CTNND2: variants seen among roughly 807,000 people sequenced by gnomAD.
The protein encoded by CTNND2 is catenin delta-2.
Under a neutral mutation model 144.4 loss-of-function variants are expected in CTNND2, and 22 were observed. That is an observed-to-expected ratio of 0.15 (90% CI 0.11 to 0.22). The LOEUF is 0.22. Ranked by LOEUF, CTNND2 falls within the 10% of genes least tolerant of loss-of-function variation. The probability of loss-of-function intolerance (pLI) is 1.00; values close to 1 mark genes in which losing one functional copy is unlikely to be tolerated. For synonymous variants in CTNND2, 751 were observed against 695.6 expected (o/e 1.08, Z -1.25); for missense variants, 1,353 against 1,618.8 (o/e 0.84, Z 2.82).
chr5:11,662,303 A>G (rs1783311641), intron 2 of CTNND2, among the ~76,000 whole-genome samples: 1 of 149,506 alleles, frequency 6.7e-6, no homozygotes, highest in Non-Finnish European at 1.5e-5. Context: ...ACAGAGAGAG[A>G]GAGGGTTTAT....
At chr5:11,084,973 C>T (rs1458780720) in intron 15 of CTNND2, among the ~76,000 whole-genome samples, 1 of 151,874 alleles carries the variant, frequency 6.6e-6, no homozygotes, top group Non-Finnish European at 1.5e-5. Context: ...CCAGATATGA[C>T]CTAGCCTTTC....
At chr5:11,398,908 A>G (rs16901569) in intron 5 of CTNND2, among the ~76,000 whole-genome samples, 2,091 of 152,292 alleles carry the variant, frequency 0.014, 56 homozygotes, top group African/African-American at 0.048. Context: ...GCAGAGTCAA[A>G]GAACAGTGTC....
At chr5:11,527,079 G>A (rs931231575) in intron 3 of CTNND2, among the ~76,000 whole-genome samples, 2 of 152,092 alleles carry the variant, frequency 1.3e-5, no homozygotes, top group African/African-American at 4.8e-5. Context: ...TTGGGGGAGA[G>A]CAGATGGGGA....
intron 2 of CTNND2, among the ~76,000 whole-genome samples, chr5:11,649,132 C>CT (rs1217946680): frequency 1.3e-5 from 2 of 152,096 alleles, no homozygotes; most frequent in Non-Finnish European, 2.9e-5. Context: ...ATTGTATTAA[C>CT]AGCTTTATTT....
intron 2 of CTNND2, among the ~76,000 whole-genome samples, chr5:11,731,891 T>C (rs535861805): frequency 3.3e-5 from 5 of 152,286 alleles, no homozygotes; most frequent in African/African-American, 1.2e-4. Flanking sequence ...ACTTCACCCA[T>C]AGGAAATTTT....
intron 10 of CTNND2, among the ~76,000 whole-genome samples, chr5:11,206,572 GC>G (rs1331614945): frequency 1.3e-5 from 2 of 152,186 alleles, no homozygotes; most frequent in Non-Finnish European, 2.9e-5. Context: ...GATACTGAAT[GC>G]AAAAATCACA....
At position 11,412,087 on chromosome 5, in the gene CTNND2, CAG is replaced by C; in HGVS notation, c.288-20_288-19del. 2 of 1,600,820 alleles carry C rather than the reference CAG, an allele frequency of 1.2e-6. 1 individual carries two copies. Among genetic ancestry groups the C allele is most frequent in the South Asian group, 2.2e-5 (2 of 90,688 alleles). On this transcript the variant is annotated intron_variant, in intron 3 of 21. Coordinates refer to ENST00000304623, the MANE Select transcript of CTNND2 (RefSeq NM_001332.4). ...CTGCTGAACTGTAAAAAAGAAAATA[CAG>C]AGATATAATGCATTGATTAGAAAAG...
intron 1 of CTNND2, among the ~76,000 whole-genome samples, chr5:11,861,164 T>A (rs1795487451): frequency 6.6e-6 from 1 of 152,146 alleles, no homozygotes; most frequent in African/African-American, 2.4e-5. Flanking sequence ...TGGTTTCGAG[T>A]CTTTGAGTTT....
At chr5:11,770,408 AAAGGAAAGAAGGAAGG>A (rs752943172) in intron 1 of CTNND2, among the ~76,000 whole-genome samples, 5,652 of 142,078 alleles carry the variant, frequency 0.04, 276 homozygotes, top group Middle Eastern at 0.078. Flanking sequence ...AAACAGAAAA[AAAGGAAAGAAGGAAGG>A]AAGGAAGGAA....
At chr5:11,221,140 C>G (rs1012827698) in intron 10 of CTNND2, among the ~76,000 whole-genome samples, 1 of 152,076 alleles carries the variant, frequency 6.6e-6, no homozygotes, top group Non-Finnish European at 1.5e-5. Context: ...ATAATGAGCA[C>G]CTATAGCTTT....
Position 11,385,168 on chromosome 5 carries a change from G to GGCA in CTNND2, c.673_674insTGC (p.Pro224_Pro225insLeu). On this transcript the variant is annotated inframe_insertion, in exon 7 of 22. Transcript: ENST00000304623. ...GCTGGGCGCGAACGGCTCCCGCGGC[G>GGCA]GCGGCGGCGGCGGCGGCGCGGGCTC... The GGCA allele has an allele frequency of 9.8e-7, 1 of 1,021,900 alleles. No individual in the cohort carries two copies. Among genetic ancestry groups the GGCA allele is most frequent in the Non-Finnish European group, 1.2e-6 (1 of 855,794 alleles). The allele number at this position is 1,021,900 out of a possible 1,614,324, so 63.3% of individuals were successfully genotyped here. A position where few individuals can be genotyped will look rare whatever the true frequency, so the allele number is the denominator to read the frequency against.
intron 2 of CTNND2, among the ~76,000 whole-genome samples, chr5:11,678,377 T>C (rs1276172112): frequency 6.6e-6 from 1 of 152,110 alleles, no homozygotes; most frequent in African/African-American, 2.4e-5. Context: ...ATTAATAAAA[T>C]TGGCTAGAGC....
chr5:11,090,030 A>G (rs1436265771), intron 15 of CTNND2, among the ~76,000 whole-genome samples: 2 of 152,202 alleles, frequency 1.3e-5, no homozygotes, highest in East Asian at 1.9e-4. Flanking sequence ...ATAGATAGAT[A>G]GATAAATAAA....
At chr5:11,374,368 A>T (rs1377622732) in intron 7 of CTNND2, among the ~76,000 whole-genome samples, 1 of 152,154 alleles carries the variant, frequency 6.6e-6, no homozygotes, top group Non-Finnish European at 1.5e-5. Flanking sequence ...ATGAAGGTTA[A>T]TTTTTACCTG....
At position 11,547,425 on chromosome 5, in the gene CTNND2, G is replaced by A. The variant is rs529456940; in HGVS notation, c.287+17519C>T. Among the ~76,000 whole-genome samples, 5 of 152,006 alleles carry A rather than the reference G, an allele frequency of 3.3e-5. No homozygotes were observed. The East Asian group carries it at 9.6e-4, about 29-fold the overall frequency. On this transcript the variant is annotated intron_variant, in intron 3 of 21. Coordinates refer to ENST00000304623, the MANE Select transcript of CTNND2 (RefSeq NM_001332.4). ...GTTTAAATATGTCTTAAACAAGACT[G>A]ATCAACCTAACATTAAAACCAAGCA...
At chr5:11,819,044 G>A (rs1440100998) in intron 1 of CTNND2, among the ~76,000 whole-genome samples, 2 of 152,170 alleles carry the variant, frequency 1.3e-5, no homozygotes, top group South Asian at 4.2e-4. Flanking sequence ...GCAGGCAGGG[G>A]CTGTGCACTG....
chr5:10,978,363 G>A (rs1167237528), intron 21 of CTNND2, among the ~76,000 whole-genome samples: 3 of 152,186 alleles, frequency 2.0e-5, no homozygotes, highest in Non-Finnish European at 4.4e-5. Flanking sequence ...ACTTTATTGA[G>A]TCCCCAAAGA....
chr5:11,543,005 C>A (rs1012759259), intron 3 of CTNND2, among the ~76,000 whole-genome samples: 6 of 152,220 alleles, frequency 3.9e-5, no homozygotes, highest in Admixed American at 3.3e-4. Flanking sequence ...ATTGGATAAA[C>A]ATGTGTGCAC....
At chr5:11,825,312 A>G (rs970169000) in intron 1 of CTNND2, among the ~76,000 whole-genome samples, 1 of 152,214 alleles carries the variant, frequency 6.6e-6, no homozygotes, top group African/African-American at 2.4e-5. Context: ...TAAAAACACA[A>G]CAACAGAGCT....
Sources: allele counts gnomAD v4.1 joint callset (sites outside exome capture counted in the v4.1 genomes callset), GRCh38; gene constraint gnomAD v4.1.1; transcripts MANE v1.5; gene names NCBI Gene and HGNC (gene_info 2026-07-23, HGNC 2026-07-21).